The following DTNB variants were observed in gnomAD, a reference collection of about 807,000 sequenced individuals.
The protein encoded by DTNB is DTN-B.
Under a neutral mutation model 90.7 loss-of-function variants are expected in DTNB, and 63 were observed. The ratio of observed to expected loss-of-function variants is 0.69; its 90% CI spans 0.57 to 0.86. The LOEUF is 0.86. Ranked by LOEUF, DTNB falls within the 40% of genes least tolerant of loss-of-function variation. The pLI is 0.00. For synonymous variants in DTNB, 277 were observed against 286.7 expected, an observed-to-expected ratio of 0.97 and a Z score of 0.34; for missense variants, 744 against 807.1, an observed-to-expected ratio of 0.92 and a Z score of 0.95.
At chr2:25,509,106 TA>T (rs2073295144) in intron 9 of DTNB, among the ~76,000 whole-genome samples, 1 of 152,238 alleles carries the variant, frequency 6.6e-6, no homozygotes, top group African/African-American at 2.4e-5. Context: ...CATCTATGAA[TA>T]AAGAAAATTT....
chr2:25,406,808 C>T (rs2045309770), intron 16 of DTNB, among the ~76,000 whole-genome samples: 1 of 152,014 alleles, frequency 6.6e-6, no homozygotes, highest in African/African-American at 2.4e-5. Context: ...CAGCCAGCAT[C>T]CTCAGGTTAG....
At chr2:25,464,226 A>G (rs1482300474) in intron 10 of DTNB, among the ~76,000 whole-genome samples, 1 of 152,142 alleles carries the variant, frequency 6.6e-6, no homozygotes, top group Non-Finnish European at 1.5e-5. Flanking sequence ...ACTGATTTCT[A>G]ATACCATTCT....
intron 9 of DTNB, among the ~76,000 whole-genome samples, chr2:25,491,300 C>T (rs1480573970): frequency 6.6e-6 from 1 of 152,098 alleles, no homozygotes. Context: ...CACAACTTCC[C>T]AACATCATTA....
chr2:25,620,655 C>T (rs1274443950), intron 4 of DTNB, among the ~76,000 whole-genome samples: 2 of 152,004 alleles, frequency 1.3e-5, no homozygotes, highest in African/African-American at 4.8e-5. Context: ...GGAAGAAAAG[C>T]TACAAGATAA....
chr2:25,479,138 C>T (rs1463146290), intron 10 of DTNB, among the ~76,000 whole-genome samples: 2 of 152,190 alleles, frequency 1.3e-5, no homozygotes, highest in African/African-American at 4.8e-5. Flanking sequence ...AAGTTGCATA[C>T]TGAAGGCTTT....
At chr2:25,614,957 G>T (rs1266505354) in intron 4 of DTNB, among the ~76,000 whole-genome samples, 3 of 152,118 alleles carry the variant, frequency 2.0e-5, no homozygotes, top group African/African-American at 7.2e-5. Flanking sequence ...CAGGCTGAGG[G>T]CTCATTCCCG....
intron 7 of DTNB, among the ~76,000 whole-genome samples, chr2:25,577,437 A>AAAAAC (rs911392559): frequency 2.6e-5 from 4 of 152,138 alleles, no homozygotes; most frequent in Admixed American, 6.5e-5. Context: ...ATTCTGTCTC[A>AAAAAC]AAAACAAAAC....
intron 2 of DTNB, chr2:25,650,265 T>C: frequency 2.0e-6 from 2 of 983,870 alleles, no homozygotes; most frequent in South Asian, 4.7e-5. Flanking sequence ...TTTACTAACA[T>C]GGAAGTTTCA....
chr2:25,470,628 T>C (rs1030373874), intron 10 of DTNB, among the ~76,000 whole-genome samples: 11 of 152,090 alleles, frequency 7.2e-5, no homozygotes, highest in Admixed American at 3.3e-4. Context: ...CCACCCGCCT[T>C]GGCCTCCCAA....
intron 1 of DTNB, among the ~76,000 whole-genome samples, chr2:25,669,760 A>C (rs1345064262): frequency 6.6e-6 from 1 of 152,198 alleles, no homozygotes; most frequent in Non-Finnish European, 1.5e-5. Context: ...ATCACTTGCC[A>C]GCCTGAGCAA....
rs567750169 is a variant in DTNB, at chr2:25,427,463, A to G, written c.1554+72T>C. On this transcript the variant is annotated intron_variant, in intron 15 of 20. Transcript: ENST00000406818. ...TTTGGCCTCATCCTATTCTGACATC[A>G]CAGGGAGGCAGCAGCTGAGGCTGTG... The G allele has an allele frequency of 8.8e-6, 13 of 1,472,060 alleles. No homozygotes were observed. In the South Asian group the frequency reaches 1.2e-4, roughly 14 times the overall value. 91.2% of individuals were successfully genotyped at this position (1,472,060 alleles called of 1,614,324 possible). A position where few individuals can be genotyped will look rare whatever the true frequency, so the allele number is the denominator to read the frequency against.
At chr2:25,506,260 T>A (rs1408305777) in intron 9 of DTNB, among the ~76,000 whole-genome samples, 2 of 152,098 alleles carry the variant, frequency 1.3e-5, no homozygotes, top group African/African-American at 4.8e-5. Context: ...TTAACAATAA[T>A]GTATTGTATA....
chr2:25,656,698 T>C (rs1051900662), intron 1 of DTNB, among the ~76,000 whole-genome samples: 1 of 152,214 alleles, frequency 6.6e-6, no homozygotes, highest in Non-Finnish European at 1.5e-5. Context: ...TGTCTTCCTA[T>C]GGTTCATCCT....
intron 8 of DTNB, among the ~76,000 whole-genome samples, chr2:25,549,794 G>A (rs921173845): frequency 1.3e-5 from 2 of 151,962 alleles, no homozygotes; most frequent in Non-Finnish European, 2.9e-5. Flanking sequence ...CCAAGTAGCT[G>A]GGACTACAGG....
chr2:25,669,206 A>G (rs921251530), intron 1 of DTNB, among the ~76,000 whole-genome samples: 4 of 152,232 alleles, frequency 2.6e-5, no homozygotes, highest in African/African-American at 9.6e-5. Flanking sequence ...ATGGCTGTGC[A>G]ACAATGTGAA....
At chr2:25,493,749 G>A (rs2068114668) in intron 9 of DTNB, among the ~76,000 whole-genome samples, 1 of 152,188 alleles carries the variant, frequency 6.6e-6, no homozygotes, top group African/African-American at 2.4e-5. Flanking sequence ...GCCTAGCACT[G>A]TTAGGGGTTT....
intron 9 of DTNB, among the ~76,000 whole-genome samples, chr2:25,489,071 C>T (rs1484513256): frequency 6.6e-6 from 1 of 152,214 alleles, no homozygotes; most frequent in Non-Finnish European, 1.5e-5. Flanking sequence ...AGACACATCT[C>T]CTATTACAAA....
chr2:25,436,255 A>T (rs1439483088), intron 12 of DTNB, among the ~76,000 whole-genome samples: 2 of 152,126 alleles, frequency 1.3e-5, no homozygotes, highest in Non-Finnish European at 2.9e-5. Flanking sequence ...GAATTGCTTG[A>T]ACCTGGGAGG....
chr2:25,393,280 G>A (rs2041633517), intron 16 of DTNB, among the ~76,000 whole-genome samples: 1 of 152,120 alleles, frequency 6.6e-6, no homozygotes, highest in Non-Finnish European at 1.5e-5. Flanking sequence ...ATATTATACT[G>A]AACAGGGAAA....
Sources: allele counts gnomAD v4.1 joint callset (sites outside exome capture counted in the v4.1 genomes callset), GRCh38; gene constraint gnomAD v4.1.1; transcripts MANE v1.5; gene names NCBI Gene and HGNC (gene_info 2026-07-23, HGNC 2026-07-21).